Variants in EFCAB6 observed in about 807,000 individuals in gnomAD.
EFCAB6 encodes EF-hand calcium binding domain 6, also known as EF-hand calcium-binding domain-containing protein 6.
Under a neutral mutation model 169.8 loss-of-function variants are expected in EFCAB6, and 156 were observed. The observed-to-expected ratio is 0.92, with a 90% CI of 0.81 to 1.05. The LOEUF (loss-of-function observed/expected upper bound fraction) is 1.05. EFCAB6 is among the 50% of genes least tolerant of loss of function. The pLI is 0.00. For synonymous variants in EFCAB6, 698 were observed against 676.4 expected (o/e 1.03, Z -0.50); for missense variants, 1,800 against 1,829.1 (o/e 0.98, Z 0.29).
At chr22:43,546,575 TAA>T (rs1324640874) in intron 27 of EFCAB6, among the ~76,000 whole-genome samples, 1 of 152,234 alleles carries the variant, frequency 6.6e-6, no homozygotes, top group East Asian at 1.9e-4. Context: ...TATGGTCAAA[TAA>T]AGAGATTTTC....
chr22:43,636,316 C>T (rs926363724), intron 17 of EFCAB6, among the ~76,000 whole-genome samples: 10 of 152,148 alleles, frequency 6.6e-5, no homozygotes, highest in Non-Finnish European at 8.8e-5. Flanking sequence ...CTGCATTCAG[C>T]GGAAGAGGCG....
chr22:43,543,822 A>G (rs1398997955), intron 27 of EFCAB6, among the ~76,000 whole-genome samples: 1 of 152,114 alleles, frequency 6.6e-6, no homozygotes, highest in African/African-American at 2.4e-5. Flanking sequence ...ATGTGAGCCG[A>G]GGGTGGCGCA....
chr22:43,747,642 T>C (rs1347275133), intron 6 of EFCAB6, among the ~76,000 whole-genome samples: 2 of 152,156 alleles, frequency 1.3e-5, no homozygotes, highest in African/African-American at 2.4e-5. Flanking sequence ...TCCTGGCAAA[T>C]TGATCCAGTT....
At chr22:43,600,402 C>T in intron 22 of EFCAB6, 139 bp from the exon 23 acceptor site, 2 of 839,288 alleles carry the variant, frequency 2.4e-6, no homozygotes, top group Non-Finnish European at 3.7e-6. Context: ...CCCTGTGGGC[C>T]AGCGGAATCA....
At chr22:43,681,586 GAC>G (rs2058007543) in intron 12 of EFCAB6, among the ~76,000 whole-genome samples, 1 of 151,992 alleles carries the variant, frequency 6.6e-6, no homozygotes, top group African/African-American at 2.4e-5. Flanking sequence ...GTTTTTGTAA[GAC>G]ATATTTCTAT....
At chr22:43,807,067 T>G (rs1437572538) in intron 2 of EFCAB6, among the ~76,000 whole-genome samples, 1 of 152,180 alleles carries the variant, frequency 6.6e-6, no homozygotes, top group African/African-American at 2.4e-5. Context: ...TGCTAGACAA[T>G]AAGTCCCTCC....
chr22:43,529,318 T>C (rs527972585), intron 31 of EFCAB6, among the ~76,000 whole-genome samples: 1 of 152,180 alleles, frequency 6.6e-6, no homozygotes, highest in African/African-American at 2.4e-5. Context: ...CAGCCCTAAC[T>C]TGGGGCAGAG....
chr22:43,659,211 C>T (rs1019205714), intron 17 of EFCAB6, among the ~76,000 whole-genome samples: 1 of 152,184 alleles, frequency 6.6e-6, no homozygotes, highest in African/African-American at 2.4e-5. Context: ...TTATTATTCT[C>T]TTACTTTTGT....
chr22:43,621,696 A>G (rs1450394807), intron 20 of EFCAB6, among the ~76,000 whole-genome samples: 3 of 152,138 alleles, frequency 2.0e-5, no homozygotes, highest in African/African-American at 7.2e-5. Flanking sequence ...AATAAAGACC[A>G]AAAATCAATA....
Position 43,672,282 on chromosome 22 carries a change from T to C in EFCAB6, c.1443A>G (p.Thr481=), listed in dbSNP as rs370210384. 2 of 1,614,034 alleles carry C rather than the reference T, an allele frequency of 1.2e-6. No homozygotes were observed. Among genetic ancestry groups the C allele is most frequent in the African/African-American group, 2.7e-5 (2 of 74,938 alleles). Reference sequence around the variant, plus strand: ...CCAGGAGGAAAGGTGTCTTAGCATCTGTACAGGGAGATGTCTTTCTCATCT... The same window carrying C: ...CCAGGAGGAAAGGTGTCTTAGCATCCGTACAGGGAGATGTCTTTCTCATCT... The part of the protein sequence containing the change: ...NCRMRKTSPC[T]DAKTPFLLAW... Residue 481 remains threonine (T), a synonymous_variant, in exon 14 of 32, where the codon ACA becomes ACG. Coordinates refer to ENST00000262726, the MANE Select transcript of EFCAB6 (RefSeq NM_022785.4).
In EFCAB6 at chr22:43,530,983, G is replaced by A. The variant is rs376979584; in HGVS notation, c.4234-19C>T. ...CTTCTTTCTAGACACAAGACAAGAA[G>A]GGGTGAGGAGGGAGCTTTTGAACAC... On this transcript the variant is annotated intron_variant, in intron 30 of 31. Coordinates refer to ENST00000262726, the MANE Select transcript of EFCAB6 (RefSeq NM_022785.4). The A allele has an allele frequency of 2.8e-6, 4 of 1,438,334 alleles. No homozygotes were observed. The highest frequency in any genetic ancestry group is 1.4e-5 in the African/African-American group (1 of 71,466). 89.1% of individuals were successfully genotyped at this position (1,438,334 alleles called of 1,614,324 possible).
intron 6 of EFCAB6, among the ~76,000 whole-genome samples, chr22:43,738,153 C>T (rs2060229351): frequency 6.6e-6 from 1 of 151,760 alleles, no homozygotes; most frequent in East Asian, 1.9e-4. Context: ...TACTCACACT[C>T]ACACCATCAC....
chr22:43,673,653 G>A (rs1369864230), intron 13 of EFCAB6, among the ~76,000 whole-genome samples: 3 of 152,126 alleles, frequency 2.0e-5, no homozygotes, highest in African/African-American at 7.2e-5. Context: ...GGTGGTGTGC[G>A]CCTATAATCC....
intron 2 of EFCAB6, among the ~76,000 whole-genome samples, chr22:43,797,787 A>G (rs1364100751): frequency 1.3e-5 from 2 of 152,164 alleles, no homozygotes; most frequent in Admixed American, 6.5e-5. Context: ...TTGTGGCTGC[A>G]GCACAGGCCC....
intron 27 of EFCAB6, among the ~76,000 whole-genome samples, chr22:43,548,539 C>CAAAAAAAAAAAAAAAAAA (rs397868076): frequency 5.4e-5 from 2 of 36,750 alleles, no homozygotes; most frequent in Non-Finnish European, 9.2e-5. Flanking sequence ...GAATCCATCT[C>CAAAAAAAAAAAAAAAAAA]AAAAAAAAAA....
At chr22:43,783,558 T>G (rs2061905207) in intron 2 of EFCAB6, among the ~76,000 whole-genome samples, 1 of 152,232 alleles carries the variant, frequency 6.6e-6, no homozygotes, top group Non-Finnish European at 1.5e-5. Context: ...GGAGATACTG[T>G]TCCCAGGCAT....
At position 43,554,997 on chromosome 22, in the gene EFCAB6, C is replaced by G. The variant is rs748290543; in HGVS notation, c.3520G>C (p.Val1174Leu). 3.1e-6 allele frequency: 5 copies of G among 1,614,186 alleles called. No individual in the cohort carries two copies. Among genetic ancestry groups the G allele is most frequent in the Non-Finnish European group, 4.2e-6 (5 of 1,180,034 alleles). Residue 1174 changes from valine to leucine, a missense_variant, in exon 27 of 32, where the codon GTG (valine) becomes CTG (leucine). Coordinates refer to ENST00000262726, the MANE Select transcript of EFCAB6 (RefSeq NM_022785.4). ...GTGATGGCATGGTAATGGGAAGTCA[C>G]TGCTTTGTGGAGGCGAGCCAGGATG... ...RDILARLHKA[V>L]TSHYHAITQE...
rs941414959 is a variant in EFCAB6, at chr22:43,585,980, C to T, written c.3032+4094G>A. ...TTCTCAGACAAATAAAACTGAGAGA[C>T]TTTATTACCAGCAGCCCTACCCTTC... On this transcript the variant is annotated intron_variant, in intron 24 of 31. Coordinates refer to ENST00000262726, the MANE Select transcript of EFCAB6 (RefSeq NM_022785.4). 1.5e-4 allele frequency among the ~76,000 whole-genome samples: 23 copies of T among 152,268 alleles called. 1 individual carries two copies. Among genetic ancestry groups the T allele is most frequent in the Admixed American group, 1.4e-3 (22 of 15,286 alleles).
At chr22:43,567,798 A>G (rs2049543208) in intron 26 of EFCAB6, among the ~76,000 whole-genome samples, 1 of 152,114 alleles carries the variant, frequency 6.6e-6, no homozygotes, top group African/African-American at 2.4e-5. Context: ...TGGTCCTCAC[A>G]TCACCATGCG....
Sources: gnomAD v4.1 joint callset for allele counts (sites outside exome capture counted in the v4.1 genomes callset) on GRCh38, gnomAD v4.1.1 for gene constraint, MANE v1.5 for transcripts, NCBI Gene and HGNC (gene_info 2026-07-23, HGNC 2026-07-21) for gene names.